Variants in CCSER2 observed in about 807,000 individuals in gnomAD.
CCSER2 encodes the protein coiled-coil serine rich protein 2.
Under a neutral mutation model 92.3 loss-of-function variants are expected in CCSER2, and 46 were observed. That is an observed-to-expected ratio of 0.50 (90% CI 0.39 to 0.64). The LOEUF (loss-of-function observed/expected upper bound fraction) is 0.64, where lower values mean the gene tolerates loss of function less well. Ranked by LOEUF, CCSER2 falls within the 30% of genes least tolerant of loss-of-function variation. The pLI, the probability that CCSER2 is intolerant of heterozygous loss-of-function variation, is 0.00. For missense variants in CCSER2, 1,244 were observed against 1,238.9 expected, an observed-to-expected ratio of 1.00 and a Z score of -0.06; for synonymous variants, 433 against 431.4, an observed-to-expected ratio of 1.00 and a Z score of -0.04.
At chr10:84,344,722 CATCTT>C (rs1844386425) in intron 1 of CCSER2, among the ~76,000 whole-genome samples, 1 of 152,106 alleles carries the variant, frequency 6.6e-6, no homozygotes, top group African/African-American at 2.4e-5. Flanking sequence ...CCTGAAAGAG[CATCTT>C]ATGATTACAG....
chr10:84,360,386 CAAG>C (rs1393637058), intron 1 of CCSER2, among the ~76,000 whole-genome samples: 1 of 152,086 alleles, frequency 6.6e-6, no homozygotes, highest in African/African-American at 2.4e-5. Context: ...CTTTGAAATA[CAAG>C]AAGAGCAGGA....
intron 3 of CCSER2, among the ~76,000 whole-genome samples, chr10:84,406,839 C>T (rs1474654340): frequency 6.6e-6 from 1 of 152,160 alleles, no homozygotes; most frequent in Non-Finnish European, 1.5e-5. Context: ...TGTAAAAATG[C>T]AGTTTCTACC....
At chr10:84,391,600 G>T (rs1841522116) in intron 3 of CCSER2, 1 of 1,525,502 alleles carries the variant, frequency 6.6e-7, no homozygotes, top group African/African-American at 1.4e-5. Context: ...TGGATATAGA[G>T]ATGCAGCCTT....
intron 8 of CCSER2, among the ~76,000 whole-genome samples, chr10:84,474,934 A>G (rs1482431341): frequency 5.9e-5 from 9 of 152,190 alleles, no homozygotes. Context: ...CATCCATTTC[A>G]GTGGTTTCTT....
intron 1 of CCSER2, among the ~76,000 whole-genome samples, chr10:84,347,815 G>A (rs886367437): frequency 6.6e-6 from 1 of 152,026 alleles, no homozygotes; most frequent in Non-Finnish European, 1.5e-5. Flanking sequence ...CTCCCAGACG[G>A]GGTCGTGGCT....
chr10:84,446,832 C>T (rs1228673909), intron 6 of CCSER2, among the ~76,000 whole-genome samples: 1 of 151,944 alleles, frequency 6.6e-6, no homozygotes. Context: ...TAAGGTTTGC[C>T]TCTTTTTTAA....
chr10:84,446,358 C>T (rs1002131676), intron 6 of CCSER2, among the ~76,000 whole-genome samples: 3 of 152,162 alleles, frequency 2.0e-5, no homozygotes, highest in East Asian at 1.9e-4. Flanking sequence ...TCCCCTCCAA[C>T]GTTGAGAATA....
chr10:84,431,889 G>A (rs779071890), intron 5 of CCSER2, among the ~76,000 whole-genome samples: 3 of 152,248 alleles, frequency 2.0e-5, no homozygotes, highest in Non-Finnish European at 2.9e-5. Context: ...TTGCACGGGC[G>A]TACATTTTTC....
chr10:84,369,480 G>T (rs1392157600), intron 1 of CCSER2, among the ~76,000 whole-genome samples: 4 of 151,720 alleles, frequency 2.6e-5, no homozygotes, highest in Non-Finnish European at 5.9e-5. Flanking sequence ...AAAAATGTTT[G>T]TTGATGTTAT....
intron 9 of CCSER2, among the ~76,000 whole-genome samples, chr10:84,490,877 A>G (rs1033786572): frequency 1.3e-4 from 20 of 152,028 alleles, no homozygotes; most frequent in Admixed American, 9.8e-4. Flanking sequence ...GGTTTTATCT[A>G]CCTTTGGTCT....
intron 4 of CCSER2, among the ~76,000 whole-genome samples, chr10:84,424,362 C>T (rs963872203): frequency 6.0e-5 from 9 of 150,910 alleles, no homozygotes; most frequent in African/African-American, 7.3e-5. Context: ...TCTTTTAAAA[C>T]ATGAACAAAA....
intron 1 of CCSER2, among the ~76,000 whole-genome samples, chr10:84,351,858 T>C (rs1238946162): frequency 6.6e-6 from 1 of 152,178 alleles, no homozygotes. Context: ...ATAGCCACAT[T>C]TGGCTAGTGG....
At chr10:84,424,703 CT>C (rs1266360229) in intron 4 of CCSER2, among the ~76,000 whole-genome samples, 1 of 151,774 alleles carries the variant, frequency 6.6e-6, no homozygotes, top group Non-Finnish European at 1.5e-5. Context: ...ATTTTTATAG[CT>C]TTTTATTACA....
At chr10:84,496,335 G>C (rs1298919760) in intron 9 of CCSER2, among the ~76,000 whole-genome samples, 2 of 152,160 alleles carry the variant, frequency 1.3e-5, no homozygotes, top group East Asian at 1.9e-4. Context: ...GCCCAGGCTG[G>C]AGTGCAGTGG....
intron 9 of CCSER2, among the ~76,000 whole-genome samples, chr10:84,506,796 A>AAAATAAATAAATAAATAAATAAATAAAT (rs144088295): frequency 1.0e-4 from 15 of 147,884 alleles, no homozygotes; most frequent in South Asian, 2.1e-4. Flanking sequence ...CTCCATCTCA[A>AAAATAAATAAATAAATAAATAAATAAAT]AAATAAATAA....
At chr10:84,441,637 A>G (rs1844541729) in intron 6 of CCSER2, among the ~76,000 whole-genome samples, 2 of 150,478 alleles carry the variant, frequency 1.3e-5, no homozygotes, top group Non-Finnish European at 2.9e-5. Context: ...GACCCTCAGC[A>G]TCTACTGAGT....
intron 1 of CCSER2, among the ~76,000 whole-genome samples, chr10:84,361,232 GTTAGCTTA>G (rs1005316002): frequency 6.6e-6 from 1 of 152,228 alleles, no homozygotes; most frequent in Admixed American, 6.5e-5. Flanking sequence ...ACATTAAAAT[GTTAGCTTA>G]TTACTCCTTT....
chr10:84,480,283 C>T (rs1167053635), intron 9 of CCSER2, among the ~76,000 whole-genome samples: 1 of 151,904 alleles, frequency 6.6e-6, no homozygotes, highest in Non-Finnish European at 1.5e-5. Context: ...TCAGCCTCCC[C>T]AAATGCTGGG....
chr10:84,426,258 C>T (rs1650092879), intron 5 of CCSER2, among the ~76,000 whole-genome samples: 1 of 152,070 alleles, frequency 6.6e-6, no homozygotes, highest in Admixed American at 6.6e-5. Flanking sequence ...GTCTTTTGCT[C>T]ATGTAATAAG....
Sources: allele counts gnomAD v4.1 joint callset (sites outside exome capture counted in the v4.1 genomes callset), GRCh38; gene constraint gnomAD v4.1.1; transcripts MANE v1.5; gene names NCBI Gene and HGNC (gene_info 2026-07-23, HGNC 2026-07-21).